C12orf56: variants seen among roughly 807,000 people sequenced by gnomAD.
C12orf56 encodes uncharacterized protein C12orf56.
Under a neutral mutation model 69.9 loss-of-function variants are expected in C12orf56, and 71 were observed. The ratio of observed to expected loss-of-function variants is 1.02; its 90% CI spans 0.84 to 1.24. The LOEUF (loss-of-function observed/expected upper bound fraction) is 1.24, where lower values mean the gene tolerates loss of function less well. Ranked by LOEUF, C12orf56 falls within the 50% of genes most tolerant of loss-of-function variation. C12orf56 has a pLI of 0.00. For synonymous variants in C12orf56, 276 were observed against 274.1 expected (o/e 1.01, Z -0.07); for missense variants, 732 against 738.5 (o/e 0.99, Z 0.10).
chr12:64,278,622 G>C (rs1292162237), intron 8 of C12orf56, among the ~76,000 whole-genome samples: 1 of 152,068 alleles, frequency 6.6e-6, no homozygotes, highest in Non-Finnish European at 1.5e-5. Context: ...AAAATCTATT[G>C]TCAGCAATTT....
chr12:64,337,331 A>G lies in C12orf56; in HGVS notation c.416-6299T>C, dbSNP rs999761883. Among the ~76,000 whole-genome samples, 3 of 152,134 alleles carry G rather than the reference A, an allele frequency of 2.0e-5. No individual in the cohort carries two copies. In the East Asian group the frequency reaches 5.8e-4, roughly 29 times the overall value. On this transcript the variant is annotated intron_variant, in intron 2 of 12. Coordinates refer to ENST00000543942, the MANE Select transcript of C12orf56 (RefSeq NM_001170633.2). ...TACTTGGCAGTAGCACAGACCCCAC[A>G]GGTTAAGGGCTCAGTCCCACAAGAC...
At chr12:64,271,081 G>A (rs929972983) in intron 11 of C12orf56, among the ~76,000 whole-genome samples, 8 of 152,056 alleles carry the variant, frequency 5.3e-5, no homozygotes, top group South Asian at 2.1e-4. Flanking sequence ...CAGGAAAGTC[G>A]CTTAATTCGG....
At chr12:64,307,367 CCTT>C (rs2038527308) in intron 5 of C12orf56, among the ~76,000 whole-genome samples, 1 of 104,770 alleles carries the variant, frequency 9.5e-6, no homozygotes, top group Admixed American at 9.6e-5. Flanking sequence ...GATAGTCAGT[CCTT>C]TTTTTTTTTT....
intron 2 of C12orf56, among the ~76,000 whole-genome samples, chr12:64,340,483 A>G (rs2039060687): frequency 6.6e-6 from 1 of 152,178 alleles, no homozygotes. Context: ...TAAAGACAAT[A>G]ATAAGGTCAT....
intron 1 of C12orf56, among the ~76,000 whole-genome samples, chr12:64,376,204 G>A (rs536145798): frequency 2.0e-5 from 3 of 152,110 alleles, no homozygotes; most frequent in African/African-American, 4.8e-5. Flanking sequence ...TGCCTCATCC[G>A]TCATATTCAC....
chr12:64,346,942 CTA>C (rs932982925), intron 2 of C12orf56, among the ~76,000 whole-genome samples: 1 of 151,440 alleles, frequency 6.6e-6, no homozygotes, highest in African/African-American at 2.4e-5. Flanking sequence ...ATACCTATAT[CTA>C]TATATATATC....
At chr12:64,339,934 T>C (rs1262697105) in intron 2 of C12orf56, among the ~76,000 whole-genome samples, 2 of 152,110 alleles carry the variant, frequency 1.3e-5, no homozygotes, top group Non-Finnish European at 2.9e-5. Context: ...GTGGATATGA[T>C]AACTTCCAGT....
intron 1 of C12orf56, among the ~76,000 whole-genome samples, chr12:64,374,515 T>C (rs553593698): frequency 3.3e-5 from 5 of 152,264 alleles, no homozygotes; most frequent in African/African-American, 1.2e-4. Context: ...ATCTTACTTT[T>C]ATCAAAACAT....
At chr12:64,269,139 C>CAAAA (rs5798737) in intron 12 of C12orf56, among the ~76,000 whole-genome samples, 31,009 of 141,588 alleles carry the variant, frequency 0.22, 3,764 homozygotes, top group East Asian at 0.49. Flanking sequence ...GACCCTGTGT[C>CAAAA]AAAAAAAAAA....
intron 1 of C12orf56, among the ~76,000 whole-genome samples, chr12:64,354,524 C>T (rs1008929749): frequency 6.6e-6 from 1 of 152,028 alleles, no homozygotes; most frequent in African/African-American, 2.4e-5. Flanking sequence ...ATGACATGAT[C>T]TCAGCTCACT....
intron 2 of C12orf56, among the ~76,000 whole-genome samples, chr12:64,333,438 A>C (rs902234794): frequency 6.6e-6 from 1 of 152,124 alleles, no homozygotes; most frequent in Admixed American, 6.5e-5. Context: ...TTGGAAAAAA[A>C]AAAACAACTT....
At chr12:64,299,015 G>A (rs919123289) in intron 6 of C12orf56, among the ~76,000 whole-genome samples, 6 of 152,186 alleles carry the variant, frequency 3.9e-5, no homozygotes, top group Non-Finnish European at 8.8e-5. Context: ...CTATCCATGA[G>A]CATGAAATGT....
chr12:64,328,707 ATATATATATATATATATATAT>A (rs1565758667), intron 3 of C12orf56, among the ~76,000 whole-genome samples: 2 of 5,612 alleles, frequency 3.6e-4, no homozygotes, highest in African/African-American at 6.7e-4. Flanking sequence ...AAAAAAAAAA[ATATATATATATATATATATAT>A]ATATATATAG....
Position 64,390,253 on chromosome 12 carries a change from G to C in C12orf56, c.252+61C>G, listed in dbSNP as rs1374931163. The C allele has an allele frequency of 3.3e-6, 5 of 1,516,056 alleles. No individual in the cohort carries two copies. In the East Asian group the frequency reaches 9.5e-5, roughly 29 times the overall value. 93.9% of individuals were successfully genotyped at this position (1,516,056 alleles called of 1,614,324 possible). A position where few individuals can be genotyped will look rare whatever the true frequency, so the allele number is the denominator to read the frequency against. On this transcript the variant is annotated intron_variant, in intron 1 of 12. Transcript: ENST00000543942. Reference sequence around the variant, plus strand: ...CCCCGCGCAGGAGGGCTGGGTTTGGGGGCCCCAGCCGGGAGTTCTCACTGC... The same window carrying C: ...CCCCGCGCAGGAGGGCTGGGTTTGGCGGCCCCAGCCGGGAGTTCTCACTGC...
chr12:64,281,785 G>A (rs1378455316), intron 8 of C12orf56, among the ~76,000 whole-genome samples: 4 of 151,998 alleles, frequency 2.6e-5, no homozygotes, highest in South Asian at 2.1e-4. Flanking sequence ...GATATAGGAC[G>A]GCTGATGTGA....
chr12:64,303,252 C>T (rs569047468), intron 6 of C12orf56, among the ~76,000 whole-genome samples: 66 of 151,140 alleles, frequency 4.4e-4, no homozygotes, highest in African/African-American at 1.5e-3. Flanking sequence ...CCAGCTTGGG[C>T]GACAAGAGCA....
At chr12:64,352,873 A>C in intron 2 of C12orf56, 21 bp downstream of exon 2, 1 of 1,580,146 alleles carries the variant, frequency 6.3e-7, no homozygotes, top group Non-Finnish European at 8.6e-7. Flanking sequence ...TTAGATCCAG[A>C]GACAGATTGG....
At position 64,390,411 on chromosome 12, in the gene C12orf56, T is replaced by TC; in HGVS notation, c.154_155insG (p.Tyr52Ter). The part of the protein sequence containing the change: ...VSNSENHILK[Y>*]VVLSDRLVYL... ...GACGAGCCGGTCGCTTAGCACCACA[T>TC]ACTTGAGGATGTGGTTCTCAGAGTT... is the stretch of plus-strand genomic sequence containing the variant. The change falls in exon 1 of 13, where the codon TAT (tyrosine) becomes TGAT (stop). Residue 52 changes from tyrosine (Y) to a stop codon, truncating the protein, a stop_gained and frameshift_variant. Coordinates refer to ENST00000543942, the MANE Select transcript of C12orf56 (RefSeq NM_001170633.2). LOFTEE classifies it high-confidence loss of function. The TC allele has an allele frequency of 1.2e-6, 2 of 1,612,702 alleles. No homozygotes were observed. The highest frequency in any genetic ancestry group is 1.7e-6 in the Non-Finnish European group (2 of 1,179,528).
intron 2 of C12orf56, among the ~76,000 whole-genome samples, chr12:64,351,340 C>T (rs1319418934): frequency 6.6e-6 from 1 of 152,178 alleles, no homozygotes; most frequent in African/African-American, 2.4e-5. Context: ...CCCCTGCAGA[C>T]ACATTTTTGT....
Sources: gnomAD v4.1 joint callset for allele counts (sites outside exome capture counted in the v4.1 genomes callset) on GRCh38, gnomAD v4.1.1 for gene constraint, MANE v1.5 for transcripts, NCBI Gene and HGNC (gene_info 2026-07-23, HGNC 2026-07-21) for gene names.